The following TGFBR3 variants were observed in gnomAD, a reference collection of about 807,000 sequenced individuals.
TGFBR3 encodes transforming growth factor beta receptor 3.
Under a neutral mutation model 87.9 loss-of-function variants are expected in TGFBR3, and 46 were observed. The observed-to-expected ratio is 0.52, with a 90% CI of 0.41 to 0.67. TGFBR3 has a LOEUF of 0.67. Ranked by LOEUF, TGFBR3 falls within the 30% of genes least tolerant of loss-of-function variation. The pLI is 0.00. For synonymous variants in TGFBR3, 381 were observed against 391.6 expected (o/e 0.97, Z 0.32); for missense variants, 866 against 1,041.9 (o/e 0.83, Z 2.32).
At chr1:91,765,666 T>C (rs1325332387) in intron 3 of TGFBR3, among the ~76,000 whole-genome samples, 1 of 152,222 alleles carries the variant, frequency 6.6e-6, no homozygotes, top group Non-Finnish European at 1.5e-5. Flanking sequence ...CTTAAACAGT[T>C]ACGCAAATAA....
At chr1:91,800,647 T>C (rs933364934) in intron 2 of TGFBR3, among the ~76,000 whole-genome samples, 1 of 150,874 alleles carries the variant, frequency 6.6e-6, no homozygotes, top group Non-Finnish European at 1.5e-5. Flanking sequence ...CCCTCCAAGA[T>C]TGAAAAAGAA....
chr1:91,712,588 A>C, intron 12 of TGFBR3, 46 bp from the exon 13 acceptor site: 776 of 1,576,190 alleles, frequency 4.9e-4, no homozygotes, highest in Non-Finnish European at 6.2e-4. Context: ...TTAGCATCTC[A>C]CTTTCACTTT....
At chr1:91,799,596 C>T (rs1257187245) in intron 2 of TGFBR3, among the ~76,000 whole-genome samples, 1 of 152,222 alleles carries the variant, frequency 6.6e-6, no homozygotes, top group Non-Finnish European at 1.5e-5. Context: ...CCCTTCTGAA[C>T]TGGTTGCAGA....
intron 3 of TGFBR3, among the ~76,000 whole-genome samples, chr1:91,792,531 C>G (rs1675233117): frequency 1.3e-5 from 2 of 152,196 alleles, no homozygotes; most frequent in African/African-American, 2.4e-5. Context: ...AATAAGCAAG[C>G]AATTAGATAG....
intron 2 of TGFBR3, among the ~76,000 whole-genome samples, chr1:91,824,665 T>A (rs980175691): frequency 1.3e-5 from 2 of 152,114 alleles, no homozygotes; most frequent in Non-Finnish European, 2.9e-5. Flanking sequence ...GCTGGGAGTA[T>A]AAAATAATAC....
intron 6 of TGFBR3, 146 bp downstream of exon 6, chr1:91,729,659 A>C (rs906373769): frequency 5.5e-6 from 5 of 910,968 alleles, no homozygotes; most frequent in East Asian, 2.5e-5. Flanking sequence ...ATCAATGGCT[A>C]CCTTCCCTCC....
chr1:91,744,058 A>G (rs1673247153), intron 4 of TGFBR3, among the ~76,000 whole-genome samples: 2 of 151,868 alleles, frequency 1.3e-5, no homozygotes, highest in African/African-American at 4.8e-5. Flanking sequence ...TGGGTTAAAC[A>G]AAGTGTCATT....
chr1:91,740,971 AT>A (rs1673140703), intron 4 of TGFBR3, among the ~76,000 whole-genome samples: 1 of 152,094 alleles, frequency 6.6e-6, no homozygotes, highest in Non-Finnish European at 1.5e-5. Flanking sequence ...AAAACAACCT[AT>A]TTTTCTCTAT....
At chr1:91,827,408 A>C (rs1243216166) in intron 2 of TGFBR3, among the ~76,000 whole-genome samples, 2 of 152,170 alleles carry the variant, frequency 1.3e-5, no homozygotes, top group African/African-American at 4.8e-5. Context: ...GAATAAGAAA[A>C]ATCCAGCAGT....
At chr1:91,868,294 A>G (rs2101226754) in intron 1 of TGFBR3, among the ~76,000 whole-genome samples, 1 of 152,358 alleles carries the variant, frequency 6.6e-6, no homozygotes, top group Middle Eastern at 3.4e-3. Flanking sequence ...CCAAAAAGAA[A>G]ATAAGCAAAC....
intron 4 of TGFBR3, among the ~76,000 whole-genome samples, chr1:91,742,375 C>T (rs1329789862): frequency 6.6e-6 from 1 of 152,232 alleles, no homozygotes; most frequent in East Asian, 1.9e-4. Flanking sequence ...CCAATAATTG[C>T]TTGTTGAATG....
At chr1:91,835,687 G>A (rs777961677) in intron 2 of TGFBR3, among the ~76,000 whole-genome samples, 5 of 151,844 alleles carry the variant, frequency 3.3e-5, no homozygotes, top group Non-Finnish European at 5.9e-5. Flanking sequence ...AATTAGCCGG[G>A]CGTGGTGGCG....
rs966570534 is a variant in TGFBR3 at position 91,833,892 on chromosome 1, T to TAAAGAAAG, written c.61+27571_61+27578dup. 5.9e-5 allele frequency among the ~76,000 whole-genome samples: 9 copies of TAAAGAAAG among 152,182 alleles called. No homozygotes were observed. The East Asian group carries it at 1.2e-3, about 20-fold the overall frequency. ...ATGGAAAACTCAAGTACTAACATAT[T>TAAAGAAAG]AAAGAAAGAAAGAAACAAAGAAAAA... On this transcript the variant is annotated intron_variant, in intron 2 of 16. Coordinates refer to ENST00000212355, the MANE Select transcript of TGFBR3 (RefSeq NM_003243.5).
At position 91,719,358 on chromosome 1, in the gene TGFBR3, G is replaced by A; in HGVS notation, c.1520C>T (p.Thr507Ile). ...ATCAAGGGCTGACCACCGGGGCCGA[G>A]TACCGCAGCCATTCAGAGGAGACTC... ...VLESPLNGCG[T>I]RPRWSALDGV... Residue 507 changes from threonine (T) to isoleucine (I), a missense_variant, in exon 10 of 17, where the codon ACT (threonine) becomes ATT (isoleucine). Thr to Ile is a moderately conservative substitution (Grantham distance 89, BLOSUM62 -1). Coordinates refer to ENST00000212355, the MANE Select transcript of TGFBR3 (RefSeq NM_003243.5). 4 of 1,614,190 alleles carry A rather than the reference G, an allele frequency of 2.5e-6. No homozygotes were observed. Among genetic ancestry groups the A allele is most frequent in the Non-Finnish European group, 3.4e-6 (4 of 1,180,038 alleles).
chr1:91,762,732 A>G (rs1274037230), intron 3 of TGFBR3, among the ~76,000 whole-genome samples: 1 of 152,230 alleles, frequency 6.6e-6, no homozygotes, highest in African/African-American at 2.4e-5. Flanking sequence ...AATGGAAAAG[A>G]GTTAATTGGT....
Position 91,776,993 on chromosome 1 carries a change from G to A in TGFBR3, c.247-18243C>T, listed in dbSNP as rs12084293. Among the ~76,000 whole-genome samples, 1,262 of 152,168 alleles carry A rather than the reference G, an allele frequency of 8.3e-3. 25 individuals carry two copies. The highest frequency in any genetic ancestry group is 0.029 in the African/African-American group (1,195 of 41,494). On this transcript the variant is annotated intron_variant, in intron 3 of 16. Transcript: ENST00000212355. ...GGAAGACCACATTCATTCCACACCT[G>A]ACCCCAACACCACATCTACTCTGAG... is the stretch of plus-strand genomic sequence containing the variant.
chr1:91,887,162 C>CAA (rs1679342535), upstream of TGFBR3, among the ~76,000 whole-genome samples: 1 of 150,620 alleles, frequency 6.6e-6, no homozygotes, highest in Non-Finnish European at 1.5e-5. Flanking sequence ...GGCTAATACC[C>CAA]GTCAAGGCTC....
At chr1:91,697,743 A>G (rs747144315) in intron 15 of TGFBR3, among the ~76,000 whole-genome samples, 2 of 152,204 alleles carry the variant, frequency 1.3e-5, no homozygotes, top group Admixed American at 1.3e-4. Context: ...AACCACTTCC[A>G]TGGCTGTATG....
intron 3 of TGFBR3, among the ~76,000 whole-genome samples, chr1:91,762,726 G>A (rs1026685416): frequency 5.9e-5 from 9 of 152,176 alleles, no homozygotes; most frequent in African/African-American, 1.7e-4. Context: ...CCCCTAAATG[G>A]AAAAGAGTTA....
Sources: gnomAD v4.1 joint callset for allele counts (sites outside exome capture counted in the v4.1 genomes callset) on GRCh38, gnomAD v4.1.1 for gene constraint, MANE v1.5 for transcripts, NCBI Gene and HGNC (gene_info 2026-07-23, HGNC 2026-07-21) for gene names.